The following CPSF1 variants were observed in gnomAD, a reference collection of about 807,000 sequenced individuals.
CPSF1 encodes the protein cleavage and polyadenylation specific factor 1.
A neutral mutation model predicts 175.8 loss-of-function variants in CPSF1; 106 were observed. The ratio of observed to expected loss-of-function variants is 0.60; its 90% CI spans 0.52 to 0.71. The LOEUF (loss-of-function observed/expected upper bound fraction) is 0.71. Among genes scored for constraint, CPSF1 ranks in the 30% least tolerant of loss-of-function variants. CPSF1 has a pLI of 0.00. For missense variants in CPSF1, 1,734 were observed against 2,022.9 expected (o/e 0.86, Z 2.74); for synonymous variants, 1,024 against 858.3 (o/e 1.19, Z -3.37).
rs1820519170 is a variant in CPSF1, at chr8:144,393,897, T to A, written c.4001A>T (p.His1334Leu). The change falls in exon 35 of 38, where the codon CAC becomes CTC. Residue 1334 changes from histidine to leucine, a missense_variant. His to Leu is a moderately conservative substitution (Grantham distance 99, BLOSUM62 -3). This residue lies in a region of CPSF1 where 323 missense variants were observed against 338.5 expected (regional missense o/e 0.95). Transcript: ENST00000616140. ...SKKSVVWENK[H>L]ITWFATLDGG... ...CCCACACTCACCAAACCACGTGATG[T>A]GCTTATTCTCCCACACGACCGACTT... 6.2e-7 allele frequency: 1 copy of A among 1,611,688 alleles called. No individual in the cohort carries two copies. Among genetic ancestry groups the A allele is most frequent in the Non-Finnish European group, 8.5e-7 (1 of 1,179,136 alleles).
At chr8:144,405,425 C>G (rs1821443189) in intron 2 of CPSF1, among the ~76,000 whole-genome samples, 1 of 152,204 alleles carries the variant, frequency 6.6e-6, no homozygotes, top group Admixed American at 6.5e-5. Flanking sequence ...GAGTTCGAGA[C>G]CAGCCTGGCC....
chr8:144,408,486 G>C (rs1821618699), intron 2 of CPSF1, among the ~76,000 whole-genome samples: 1 of 152,150 alleles, frequency 6.6e-6, no homozygotes, highest in Non-Finnish European at 1.5e-5. Context: ...TCAACAGTCT[G>C]TCCCCATCCT....
chr8:144,407,778 C>T (rs1821572396), intron 2 of CPSF1, among the ~76,000 whole-genome samples: 1 of 152,144 alleles, frequency 6.6e-6, no homozygotes, highest in Non-Finnish European at 1.5e-5. Flanking sequence ...AACTCCTGGC[C>T]TCAAGCAGTC....
chr8:144,394,619 C>G (rs1554862877), intron 31 of CPSF1, 25 bp downstream of exon 31: 2 of 1,601,890 alleles, frequency 1.2e-6, no homozygotes, highest in Admixed American at 1.7e-5. Flanking sequence ...AGCCGGGGGA[C>G]ACACGCCGGG....
intron 2 of CPSF1, among the ~76,000 whole-genome samples, chr8:144,408,782 G>A (rs1173522156): frequency 6.6e-6 from 1 of 152,198 alleles, no homozygotes; most frequent in Non-Finnish European, 1.5e-5. Flanking sequence ...CAAACAAGAC[G>A]GCTAGGGCAG....
rs1380832931 is a variant in CPSF1 at position 144,395,418 on chromosome 8, TG to T, written c.3096+16del. Reference sequence around the variant, plus strand: ...CAGGCCCAGAAGGTCCCTGGTGGGGTGGGGGTGGGGGCAGACCTTAGACTCC... The same window carrying T: ...CAGGCCCAGAAGGTCCCTGGTGGGGTGGGGTGGGGGCAGACCTTAGACTCC... On this transcript the variant is annotated intron_variant, in intron 27 of 37. Transcript: ENST00000616140. 1 of 1,520,134 alleles carries T rather than the reference TG, an allele frequency of 6.6e-7. No homozygotes were observed. The highest frequency in any genetic ancestry group is 8.9e-7 in the Non-Finnish European group (1 of 1,123,730). 94.2% of individuals were successfully genotyped at this position (1,520,134 alleles called of 1,614,324 possible). A position where few individuals can be genotyped will look rare whatever the true frequency, so the allele number is the denominator to read the frequency against.
At chr8:144,401,746 GACC>G (rs1821222088) in intron 2 of CPSF1, 73 bp from the exon 3 acceptor site, 4 of 1,492,194 alleles carry the variant, frequency 2.7e-6, no homozygotes, top group African/African-American at 1.4e-5. Context: ...AACGAGAAAA[GACC>G]ACCAAGCCTG....
chr8:144,400,136 C>T (rs2116871676), intron 9 of CPSF1, 30 bp downstream of exon 9: 6 of 995,122 alleles, frequency 6.0e-6, no homozygotes, highest in Non-Finnish European at 8.7e-6. Flanking sequence ...CGTCCCCGGG[C>T]CCCCCCCGCC....
At chr8:144,408,733 T>C (rs1309550794) in intron 2 of CPSF1, among the ~76,000 whole-genome samples, 1 of 152,192 alleles carries the variant, frequency 6.6e-6, no homozygotes, top group Non-Finnish European at 1.5e-5. Flanking sequence ...ACAGTGGGCG[T>C]TCGCTCCTTC....
Position 144,393,535 on chromosome 8 carries a change from C to T in CPSF1, c.4201G>A (p.Gly1401Arg). 6.3e-7 allele frequency: 1 copy of T among 1,599,624 alleles called. No homozygotes were observed. The highest frequency in any genetic ancestry group is 8.5e-7 in the Non-Finnish European group (1 of 1,175,042). Reference sequence around the variant, plus strand: ...TACAGGTAGCGGTTGAGCAGCTCCCCATCCAGCACGTTGCGCACGGCATTC... The same window carrying T: ...TACAGGTAGCGGTTGAGCAGCTCCCTATCCAGCACGTTGCGCACGGCATTC... ...LQNAVRNVLD[G>R]ELLNRYLYLS... Residue 1401 changes from glycine to arginine, a missense_variant, in exon 37 of 38, where the codon GGG (glycine) becomes AGG (arginine). This residue lies in a region of CPSF1 where 323 missense variants were observed against 338.5 expected (regional missense o/e 0.95). Coordinates refer to ENST00000616140, the MANE Select transcript of CPSF1 (RefSeq NM_013291.3).
At chr8:144,404,306 C>T (rs1225671858) in intron 2 of CPSF1, among the ~76,000 whole-genome samples, 4 of 152,060 alleles carry the variant, frequency 2.6e-5, no homozygotes, top group Non-Finnish European at 4.4e-5. Context: ...AGTATAAGGT[C>T]AATATACAGA....
At chr8:144,405,233 G>A (rs183967325) in intron 2 of CPSF1, among the ~76,000 whole-genome samples, 4 of 152,344 alleles carry the variant, frequency 2.6e-5, no homozygotes, top group Admixed American at 1.3e-4. Context: ...CAGTCATGAG[G>A]CAAAGGCCTC....
rs2116873898 is a variant in CPSF1, at chr8:144,400,254, G to A, written c.849C>T (p.Val283=). 2 of 1,597,780 alleles carry A rather than the reference G, an allele frequency of 1.3e-6. No homozygotes were observed. The highest frequency in any genetic ancestry group is 1.1e-5 in the South Asian group (1 of 89,296). Residue 283 remains valine, a synonymous_variant, in exon 9 of 38, where the codon GTC becomes GTT. Transcript: ENST00000616140. ...KPIGGVVVFA[V]NSLLYLNQSV... ...TCTGGTTCAGGTACAACAGCGAGTT[G>A]ACGGCAAACACCACCACCCCACCTG...
At chr8:144,400,332 T>A in intron 8 of CPSF1, 22 bp downstream of exon 8, 2 of 1,613,650 alleles carry the variant, frequency 1.2e-6, no homozygotes, top group Non-Finnish European at 1.7e-6. Context: ...CACACTCCCC[T>A]ATCCACTCCC....
chr8:144,393,357 G>A lies in CPSF1; in HGVS notation c.4293C>T (p.Asp1431=), dbSNP rs781993633. The stretch of plus-strand genomic sequence containing the variant: ...TGACGCGGTCCGTCTCCAGCAAGTC[G>A]TCCAGGATCTGCAGGGGATGGAAGG... ...KIGTTPDIIL[D]DLLETDRVTA... The change falls in exon 38 of 38, where the codon GAC becomes GAT. Residue 1431 remains aspartate, a synonymous_variant. Transcript: ENST00000616140. 27 of 1,500,190 alleles carry A rather than the reference G, an allele frequency of 1.8e-5. No individual in the cohort carries two copies. The Admixed American group carries it at 1.9e-4, about 10-fold the overall frequency. 92.9% of individuals were successfully genotyped at this position (1,500,190 alleles called of 1,614,324 possible).
intron 2 of CPSF1, among the ~76,000 whole-genome samples, 163 bp from the exon 3 acceptor site, chr8:144,401,836 C>G (rs1821225087): frequency 6.6e-6 from 1 of 152,154 alleles, no homozygotes; most frequent in Non-Finnish European, 1.5e-5. Flanking sequence ...CTGTGCACAG[C>G]CCCCCACAGC....
Position 144,397,668 on chromosome 8 carries a change from G to A in CPSF1, c.2211-7C>T, listed in dbSNP as rs377289569. ...CTCGTCATCCACTGTGGGGCTGGGG[G>A]CCAGCAGAAGGTCATGGGCGGCCTG... On this transcript the variant is annotated splice_region_variant and splice_polypyrimidine_tract_variant and intron_variant, in intron 21 of 37. Coordinates refer to ENST00000616140, the MANE Select transcript of CPSF1 (RefSeq NM_013291.3). 1.3e-6 allele frequency: 2 copies of A among 1,542,612 alleles called. No homozygotes were observed. The highest frequency in any genetic ancestry group is 2.7e-5 in the African/African-American group (2 of 72,736).
rs10108450 is a variant in CPSF1 at position 144,399,932 on chromosome 8, A to G, written c.1031+60T>C. ...CTGGGGGAGTGAAGGGGGCCAGGGG[A>G]CCCTACAGGACTTGTGGGGGGCGGT... On this transcript the variant is annotated intron_variant, in intron 10 of 37. Coordinates refer to ENST00000616140, the MANE Select transcript of CPSF1 (RefSeq NM_013291.3). This position sits in a 1 kb window ranked among gnomAD's most constrained non-coding sequence, Gnocchi z 6.4. The G allele has an allele frequency of 2.0e-6, 3 of 1,516,484 alleles. No homozygotes were observed. The highest frequency in any genetic ancestry group is 2.6e-6 in the Non-Finnish European group (3 of 1,135,484). 93.9% of individuals were successfully genotyped at this position (1,516,484 alleles called of 1,614,324 possible).
In CPSF1 at chr8:144,401,508, G is replaced by T; in HGVS notation, c.228C>A (p.Gly76=). Residue 76 remains glycine, a synonymous_variant, in exon 4 of 38, where the codon GGC becomes GGA. Transcript: ENST00000616140. The part of the protein sequence containing the change: ...LELAASFSFF[G]NVMSMASVQL... ...GCACGCTGGCCATGGACATGACGTT[G>T]CCAAAGAAGGAGAAGGAGGCAGCAA... 1 of 1,614,022 alleles carries T rather than the reference G, an allele frequency of 6.2e-7. No individual in the cohort carries two copies. Among genetic ancestry groups the T allele is most frequent in the Non-Finnish European group, 8.5e-7 (1 of 1,179,980 alleles).
Sources: gnomAD v4.1 joint callset for allele counts (sites outside exome capture counted in the v4.1 genomes callset) on GRCh38, gnomAD v4.1.1 for gene constraint, gnomAD v4.1.1 regional missense constraint, Gnocchi (gnomAD v3.1) non-coding constraint, MANE v1.5 for transcripts, NCBI Gene and HGNC (gene_info 2026-07-23, HGNC 2026-07-21) for gene names.